Variants in LIMCH1 observed in about 807,000 individuals in gnomAD.
LIMCH1 encodes the protein LIM and calponin homology domains 1.
LIMCH1 carries 113 observed loss-of-function variants against 176.5 expected under a neutral mutation model. The observed-to-expected ratio is 0.64, with a 90% CI of 0.55 to 0.75. The LOEUF (loss-of-function observed/expected upper bound fraction) is 0.75. Among genes scored for constraint, LIMCH1 ranks in the 30% least tolerant of loss-of-function variants. The probability of loss-of-function intolerance (pLI) is 0.00; values close to 1 mark genes in which losing one functional copy is unlikely to be tolerated. For missense variants in LIMCH1, 1,674 were observed against 1,814.9 expected (o/e 0.92, Z 1.41); for synonymous variants, 619 against 645.9 (o/e 0.96, Z 0.63).
intron 3 of LIMCH1, chr4:41,604,277 A>G: frequency 1.1e-6 from 1 of 894,832 alleles, no homozygotes; most frequent in East Asian, 1.2e-4. Flanking sequence ...TTGTAGGGTA[A>G]GATCTGCACA....
chr4:41,637,059 G>C (rs2093623171), intron 13 of LIMCH1, among the ~76,000 whole-genome samples: 1 of 152,192 alleles, frequency 6.6e-6, no homozygotes, highest in African/African-American at 2.4e-5. Context: ...GAAATTCTCT[G>C]CTCTCTTCCA....
At chr4:41,484,236 C>G in intron 1 of LIMCH1, among the ~76,000 whole-genome samples, 1 of 152,178 alleles carries the variant, frequency 6.6e-6, no homozygotes, top group South Asian at 2.1e-4. Context: ...TTCCATCAAT[C>G]TATTGTTTTC....
At position 41,629,679 on chromosome 4, in the gene LIMCH1, A is replaced by G. The variant is rs1170385681; in HGVS notation, c.1216A>G (p.Ile406Val). ...EPPSFITLSN[I>V]TEADLETWER... ...CCCGAGCTTCATTACGCTCTCCAAC[A>G]TAACAGAAGCTGACTTGGAGACGTG... The change falls in exon 9 of 32, where the codon ATA becomes GTA. Residue 406 changes from isoleucine (I) to valine (V), a missense_variant. Around this residue, in one of 3 missense-constraint regions of LIMCH1, gnomAD observed 655 missense variants for 692.2 expected, o/e 0.95. Transcript: ENST00000503057. The G allele has an allele frequency of 6.5e-6, 10 of 1,535,976 alleles. No homozygotes were observed. The African/African-American group carries it at 6.8e-5, about 11-fold the overall frequency.
At chr4:41,445,600 C>T (rs559936403) in intron 1 of LIMCH1, among the ~76,000 whole-genome samples, 1 of 152,264 alleles carries the variant, frequency 6.6e-6, no homozygotes, top group Admixed American at 6.5e-5. Context: ...TTAGTTCCTC[C>T]AATTAGGTAT....
chr4:41,505,452 T>C (rs2074025227), intron 2 of LIMCH1, among the ~76,000 whole-genome samples: 1 of 152,154 alleles, frequency 6.6e-6, no homozygotes, highest in Admixed American at 6.5e-5. Flanking sequence ...AAAATTTGGG[T>C]CCCTTACAAA....
chr4:41,597,455 A>G (rs1011013052), intron 1 of LIMCH1, among the ~76,000 whole-genome samples: 4 of 152,138 alleles, frequency 2.6e-5, no homozygotes, highest in Non-Finnish European at 5.9e-5. Flanking sequence ...TAATTTTTTT[A>G]TTACTGCATA....
intron 7 of LIMCH1, 116 bp from the exon 8 acceptor site, chr4:41,626,592 G>A: frequency 2.4e-6 from 2 of 847,286 alleles, no homozygotes; most frequent in East Asian, 2.7e-5. Context: ...GATGTCATTT[G>A]AACTAACAAT....
At chr4:41,432,573 A>C (rs1410540138) in intron 1 of LIMCH1, among the ~76,000 whole-genome samples, 2 of 152,196 alleles carry the variant, frequency 1.3e-5, no homozygotes, top group African/African-American at 4.8e-5. Flanking sequence ...TGTCCTAGCA[A>C]GTAAATCCAT....
chr4:41,494,312 T>C (rs2071634080), intron 1 of LIMCH1, among the ~76,000 whole-genome samples: 1 of 149,212 alleles, frequency 6.7e-6, no homozygotes, highest in Non-Finnish European at 1.5e-5. Context: ...TAATTATATA[T>C]ATACACACAT....
At chr4:41,363,846 A>C (rs150187584) in intron 1 of LIMCH1, among the ~76,000 whole-genome samples, 110 of 152,338 alleles carry the variant, frequency 7.2e-4, no homozygotes, top group Middle Eastern at 3.4e-3. Flanking sequence ...TGCACATCTA[A>C]CTGTGTTTGG....
intron 1 of LIMCH1, among the ~76,000 whole-genome samples, chr4:41,378,914 G>A (rs2055203130): frequency 6.6e-6 from 1 of 152,144 alleles, no homozygotes; most frequent in Non-Finnish European, 1.5e-5. Flanking sequence ...CAATGAGAAG[G>A]AATGATGGAT....
intron 3 of LIMCH1, among the ~76,000 whole-genome samples, chr4:41,530,604 C>T (rs540672386): frequency 7.3e-5 from 11 of 151,700 alleles, no homozygotes; most frequent in East Asian, 1.9e-4. Context: ...GTCAGGAGTT[C>T]GAGATTAGCC....
At chr4:41,374,086 A>C (rs916261869) in intron 1 of LIMCH1, among the ~76,000 whole-genome samples, 3 of 152,106 alleles carry the variant, frequency 2.0e-5, no homozygotes, top group Admixed American at 2.0e-4. Context: ...TAAATTACCC[A>C]GCCTCAGGTA....
intron 21 of LIMCH1, among the ~76,000 whole-genome samples, chr4:41,670,459 C>T (rs1260590350): frequency 6.6e-6 from 1 of 152,136 alleles, no homozygotes; most frequent in Non-Finnish European, 1.5e-5. Context: ...ACACTATCAC[C>T]ATTAAGTATG....
At chr4:41,647,812 G>A (rs998454490) in intron 17 of LIMCH1, among the ~76,000 whole-genome samples, 1 of 152,200 alleles carries the variant, frequency 6.6e-6, no homozygotes, top group Middle Eastern at 3.2e-3. Context: ...AACTCTGAAT[G>A]TATCTCAAAA....
intron 1 of LIMCH1, among the ~76,000 whole-genome samples, chr4:41,588,562 C>T (rs926409602): frequency 2.0e-5 from 3 of 152,118 alleles, no homozygotes; most frequent in Non-Finnish European, 4.4e-5. Flanking sequence ...ATAATATTCC[C>T]CTCTTCCTCT....
chr4:41,443,588 A>G (rs1034791691), intron 1 of LIMCH1, among the ~76,000 whole-genome samples: 2 of 152,208 alleles, frequency 1.3e-5, no homozygotes, highest in Admixed American at 6.5e-5. Flanking sequence ...AAACCTTCAC[A>G]TGTGATCCAA....
intron 1 of LIMCH1, among the ~76,000 whole-genome samples, chr4:41,487,341 G>T (rs1328964740): frequency 6.6e-6 from 1 of 152,174 alleles, no homozygotes; most frequent in Non-Finnish European, 1.5e-5. Flanking sequence ...TGAATCGGTG[G>T]AGAGCAGTGT....
chr4:41,533,962 G>T (rs2077593828), upstream of LIMCH1, among the ~76,000 whole-genome samples: 1 of 152,186 alleles, frequency 6.6e-6, no homozygotes. Flanking sequence ...GAAAATCCAT[G>T]CTTGGAAACT....
Sources: gnomAD v4.1 joint callset for allele counts (sites outside exome capture counted in the v4.1 genomes callset) on GRCh38, gnomAD v4.1.1 for gene constraint, gnomAD v4.1.1 regional missense constraint, MANE v1.5 for transcripts, NCBI Gene and HGNC (gene_info 2026-07-23, HGNC 2026-07-21) for gene names.